The following TTYH3 variants were observed in gnomAD, a reference collection of about 807,000 sequenced individuals.
TTYH3 encodes the protein protein tweety homolog 3.
Under a neutral mutation model 68.2 loss-of-function variants are expected in TTYH3, and 23 were observed. The observed-to-expected ratio is 0.34, with a 90% CI of 0.24 to 0.48. The LOEUF (loss-of-function observed/expected upper bound fraction) is 0.48. TTYH3 is among the 20% of genes least tolerant of loss of function. The pLI, the probability that TTYH3 is intolerant of heterozygous loss-of-function variation, is 0.99. For synonymous variants in TTYH3, 360 were observed against 332.8 expected (o/e 1.08, Z -0.89); for missense variants, 768 against 727.7 (o/e 1.06, Z -0.64).
At chr7:2,647,356 G>A in intron 3 of TTYH3, 62 bp from the exon 4 acceptor site, 1 of 1,475,292 alleles carries the variant, frequency 6.8e-7, no homozygotes. Context: ...TGTGCAGGAG[G>A]GGCCCAGACT....
chr7:2,642,282 C>T (rs996785029), intron 1 of TTYH3, among the ~76,000 whole-genome samples: 4 of 152,114 alleles, frequency 2.6e-5, no homozygotes, highest in African/African-American at 9.7e-5. Context: ...TGACTCATGC[C>T]TGTAATCCCA....
At chr7:2,647,755 GC>G in intron 4 of TTYH3, 117 bp downstream of exon 4, 1 of 1,199,498 alleles carries the variant, frequency 8.3e-7, no homozygotes, top group Non-Finnish European at 1.2e-6. Context: ...GTGGCCCAGG[GC>G]CACTGGAGGT....
rs1234884425 is a variant in TTYH3 at position 2,645,785 on chromosome 7, G to T, written c.124-1068G>T. On this transcript the variant is annotated intron_variant, in intron 1 of 13. Coordinates refer to ENST00000258796, the MANE Select transcript of TTYH3 (RefSeq NM_025250.3). This position sits in a 1 kb window ranked among gnomAD's most constrained non-coding sequence, Gnocchi z 4.8. ...TTCACCCCTCAGAAACACTTTCATG[G>T]TCAGCAAGAGGGGGTTCAGTCCCCC... 2.1e-6 allele frequency: 1 copy of T among 471,014 alleles called. No homozygotes were observed. The highest frequency in any genetic ancestry group is 2.0e-5 in the African/African-American group (1 of 50,186). 29.2% of individuals were successfully genotyped at this position (471,014 alleles called of 1,614,324 possible).
At chr7:2,638,699 A>G (rs1379615434) in intron 1 of TTYH3, among the ~76,000 whole-genome samples, 2 of 152,150 alleles carry the variant, frequency 1.3e-5, no homozygotes, top group Non-Finnish European at 2.9e-5. Context: ...CGTGAAACCC[A>G]AACCCAGCCT....
chr7:2,645,674 G>A lies in TTYH3; in HGVS notation c.124-1179G>A, dbSNP rs893664575. On this transcript the variant is annotated intron_variant, in intron 1 of 13. Coordinates refer to ENST00000258796, the MANE Select transcript of TTYH3 (RefSeq NM_025250.3). This position sits in a 1 kb window ranked among gnomAD's most constrained non-coding sequence, Gnocchi z 4.8. ...ACCATCTCATCCAGCGTGGGGGCAC[G>A]CCATGGACGGTGCCCACCCCTGAGT... 3.9e-5 allele frequency: 16 copies of A among 412,724 alleles called. 1 individual carries two copies. In the East Asian group the frequency reaches 5.8e-4, roughly 15 times the overall value. 25.6% of individuals were successfully genotyped at this position (412,724 alleles called of 1,614,324 possible).
At chr7:2,641,304 G>A (rs1463331986) in intron 1 of TTYH3, among the ~76,000 whole-genome samples, 1 of 152,256 alleles carries the variant, frequency 6.6e-6, no homozygotes, top group East Asian at 1.9e-4. Flanking sequence ...CATTTTGGGG[G>A]CTGCGGGGCA....
intron 13 of TTYH3, 44 bp from the exon 14 acceptor site, chr7:2,661,624 C>T (rs1305014434): frequency 6.3e-7 from 1 of 1,588,552 alleles, no homozygotes; most frequent in Non-Finnish European, 8.6e-7. Flanking sequence ...GCTGCGTGCG[C>T]CATGCAGGGG....
chr7:2,647,909 C>A (rs765796808), intron 4 of TTYH3, 50 bp from the exon 5 acceptor site: 2 of 1,593,130 alleles, frequency 1.3e-6, no homozygotes, highest in African/African-American at 2.7e-5. Flanking sequence ...GCGCCCCACT[C>A]CCAGGCCCCG....
chr7:2,659,772 C>G (rs1379445325), intron 13 of TTYH3, among the ~76,000 whole-genome samples: 1 of 152,076 alleles, frequency 6.6e-6, no homozygotes, highest in African/African-American at 2.4e-5. Flanking sequence ...TGGGAGGGGC[C>G]GGGCCTGTGA....
In TTYH3 at chr7:2,663,033, A is replaced by C. The variant is rs1035471861; in HGVS notation, c.*1294A>C. The C allele has an allele frequency of 6.6e-6, 1 of 152,316 alleles. No individual in the cohort carries two copies. Among genetic ancestry groups the C allele is most frequent in the African/African-American group, 2.4e-5 (1 of 41,446 alleles). 9.4% of individuals were successfully genotyped at this position (152,316 alleles called of 1,614,324 possible). A position where few individuals can be genotyped will look rare whatever the true frequency, so the allele number is the denominator to read the frequency against. ...CCATGAAGTGGGAGCGAGGCTCCCC[A>C]ATGGTGCTTTTGGCTTTAGTGTACG... On this transcript the variant is annotated 3_prime_UTR_variant, in exon 14 of 14. Coordinates refer to ENST00000258796, the MANE Select transcript of TTYH3 (RefSeq NM_025250.3).
In TTYH3 at chr7:2,646,981, C is replaced by T; in HGVS notation, c.252C>T (p.Cys84=). The T allele has an allele frequency of 6.3e-7, 1 of 1,591,094 alleles. No individual in the cohort carries two copies. The highest frequency in any genetic ancestry group is 8.5e-7 in the Non-Finnish European group (1 of 1,173,262). The change falls in exon 2 of 14, where the codon TGC becomes TGT. Residue 84 remains cysteine, a synonymous_variant. Transcript: ENST00000258796. ...KSEEHLDADC[C]CTAWCVIIAT... ...AGGAGCACCTGGACGCCGACTGCTGCTGCACGGCCTGGTGTGTCATCATCG... is the reference window on the plus strand; with the variant it reads ...AGGAGCACCTGGACGCCGACTGCTGTTGCACGGCCTGGTGTGTCATCATCG...
intron 1 of TTYH3, among the ~76,000 whole-genome samples, chr7:2,643,684 C>T (rs149726370): frequency 4.7e-4 from 72 of 152,362 alleles, no homozygotes; most frequent in African/African-American, 1.7e-3. Context: ...TCCGTTTTCT[C>T]ATCTGGCAAG....
At chr7:2,636,400 T>C (rs1785658184) in intron 1 of TTYH3, among the ~76,000 whole-genome samples, 1 of 152,022 alleles carries the variant, frequency 6.6e-6, no homozygotes, top group Non-Finnish European at 1.5e-5. Context: ...TCCAAGAGCA[T>C]AGAGCTGTAG....
At chr7:2,643,285 G>T (rs1287352369) in intron 1 of TTYH3, among the ~76,000 whole-genome samples, 1 of 151,434 alleles carries the variant, frequency 6.6e-6, no homozygotes, top group Non-Finnish European at 1.5e-5. Flanking sequence ...AACCCGGGAG[G>T]CGGAGCTTGC....
intron 10 of TTYH3, 34 bp downstream of exon 10, chr7:2,656,218 G>A (rs760800623): frequency 3.9e-6 from 6 of 1,553,334 alleles, no homozygotes. Context: ...GGCCATGGCA[G>A]CTTGTAGGGT....
intron 1 of TTYH3, among the ~76,000 whole-genome samples, chr7:2,638,369 G>A (rs943979599): frequency 2.0e-5 from 3 of 152,050 alleles, no homozygotes; most frequent in East Asian, 1.9e-4. Context: ...GAGGGCGGGC[G>A]TGGGCAGCGG....
intron 1 of TTYH3, among the ~76,000 whole-genome samples, chr7:2,634,547 C>G (rs1019784389): frequency 1.1e-5 from 1 of 87,174 alleles, no homozygotes; most frequent in African/African-American, 4.5e-5. Flanking sequence ...GCATCTGCCC[C>G]GTGGTTATGG....
intron 13 of TTYH3, chr7:2,660,586 C>T: frequency 1.0e-6 from 1 of 976,928 alleles, no homozygotes; most frequent in Non-Finnish European, 1.2e-6. Context: ...ATCCCCTCCC[C>T]TTGTGCTGCA....
Position 2,661,716 on chromosome 7 carries a change from C to G in TTYH3, c.1549C>G (p.Pro517Ala). Residue 517 changes from proline (P) to alanine (A), a missense_variant, in exon 14 of 14, where the codon CCT becomes GCT. Coordinates refer to ENST00000258796, the MANE Select transcript of TTYH3 (RefSeq NM_025250.3). The part of the protein sequence containing the change: ...AKYLATSQPR[P>A]DSSGSH Reference sequence around the variant, plus strand: ...ATACCTCGCCACGAGCCAGCCTCGCCCTGACTCCAGCGGCAGCCACTAGAC... The same window carrying G: ...ATACCTCGCCACGAGCCAGCCTCGCGCTGACTCCAGCGGCAGCCACTAGAC... 14 of 1,611,748 alleles carry G rather than the reference C, an allele frequency of 8.7e-6. No homozygotes were observed. Among genetic ancestry groups the G allele is most frequent in the Non-Finnish European group, 1.2e-5 (14 of 1,179,532 alleles).
Sources: allele counts gnomAD v4.1 joint callset (sites outside exome capture counted in the v4.1 genomes callset), GRCh38; gene constraint gnomAD v4.1.1; non-coding constraint Gnocchi (gnomAD v3.1); transcripts MANE v1.5; gene names NCBI Gene and HGNC (gene_info 2026-07-23, HGNC 2026-07-21).